TTLL11: variants seen among roughly 807,000 people sequenced by gnomAD.
TTLL11 encodes tubulin polyglutamylase TTLL11.
TTLL11 carries 42 observed loss-of-function variants against 51.7 expected under a neutral mutation model. The ratio of observed to expected loss-of-function variants is 0.81; its 90% CI spans 0.64 to 1.05. The LOEUF (loss-of-function observed/expected upper bound fraction) is 1.05, where lower values mean the gene tolerates loss of function less well. TTLL11 is among the 50% of genes least tolerant of loss of function. TTLL11 has a pLI of 0.00. For synonymous variants in TTLL11, 381 were observed against 383.5 expected (o/e 0.99, Z 0.08); for missense variants, 799 against 940.4 (o/e 0.85, Z 1.97).
intron 1 of TTLL11, among the ~76,000 whole-genome samples, chr9:122,075,450 T>C (rs574432338): frequency 9.2e-5 from 14 of 152,238 alleles, no homozygotes; most frequent in African/African-American, 3.1e-4. Context: ...AAGTGTTGCA[T>C]ACATTCTTAG....
At chr9:121,904,507 A>G (rs1476001464) in intron 6 of TTLL11, among the ~76,000 whole-genome samples, 1 of 152,210 alleles carries the variant, frequency 6.6e-6, no homozygotes, top group Admixed American at 6.5e-5. Context: ...TGTGTGGCCC[A>G]TCTGGAGCCA....
At chr9:121,946,298 G>C (rs1460010867) in intron 6 of TTLL11, among the ~76,000 whole-genome samples, 2 of 152,208 alleles carry the variant, frequency 1.3e-5, no homozygotes, top group Non-Finnish European at 2.9e-5. Flanking sequence ...TGGGGAATGA[G>C]ATAGGGAGAG....
intron 6 of TTLL11, among the ~76,000 whole-genome samples, chr9:121,928,083 T>C (rs1840811658): frequency 6.6e-6 from 1 of 151,944 alleles, no homozygotes. Flanking sequence ...AGTATCTCAG[T>C]AGATGATGGA....
chr9:122,073,275 T>TG (rs1191371765), intron 1 of TTLL11, among the ~76,000 whole-genome samples: 1 of 152,068 alleles, frequency 6.6e-6, no homozygotes, highest in Non-Finnish European at 1.5e-5. Context: ...CCAGGCATGG[T>TG]GGCATGCACC....
rs866286674 is a variant in TTLL11, at chr9:121,974,892, C to T, written c.1357G>A (p.Glu453Lys). The T allele has an allele frequency of 6.5e-7, 1 of 1,546,354 alleles. No individual in the cohort carries two copies. The highest frequency in any genetic ancestry group is 8.7e-7 in the Non-Finnish European group (1 of 1,145,104). The change falls in exon 5 of 9, where the codon GAG becomes AAG. Residue 453 changes from glutamate to lysine, a missense_variant. By Grantham distance (56) the Glu-to-Lys change is moderately conservative (BLOSUM62 1). Around this residue, in one of 3 missense-constraint regions of TTLL11, gnomAD observed 468 missense variants for 612.8 expected, o/e 0.76. Coordinates refer to ENST00000321582, the MANE Select transcript of TTLL11 (RefSeq NM_001139442.2). ...ATGCTCAAAATACTTACTTCGTGCT[C>T]ATGTTCGATTCTCATACTGGGATTT... ...NANPSMRIEH[E>K]HELSPGVFEN...
intron 6 of TTLL11, among the ~76,000 whole-genome samples, chr9:121,951,968 G>A (rs1841865182): frequency 6.6e-6 from 1 of 152,204 alleles, no homozygotes; most frequent in South Asian, 2.1e-4. Context: ...GTGTAGCAGT[G>A]AGGACGACCA....
intron 1 of TTLL11, among the ~76,000 whole-genome samples, chr9:122,055,752 C>G (rs190007761): frequency 3.9e-5 from 6 of 152,330 alleles, no homozygotes; most frequent in South Asian, 2.1e-4. Context: ...CTCCACACCA[C>G]CTTGTAAATA....
intron 6 of TTLL11, among the ~76,000 whole-genome samples, chr9:121,880,892 C>G (rs1370523547): frequency 6.6e-6 from 1 of 152,212 alleles, no homozygotes; most frequent in Non-Finnish European, 1.5e-5. Context: ...GGGATTGGAA[C>G]CTGGGTGGTC....
At chr9:121,910,305 T>C (rs754216460) in intron 6 of TTLL11, among the ~76,000 whole-genome samples, 32 of 152,228 alleles carry the variant, frequency 2.1e-4, no homozygotes, top group Non-Finnish European at 4.3e-4. Context: ...CTTTCTCTCA[T>C]GAGGTACTTC....
At chr9:121,856,424 G>T (rs917053106) in intron 8 of TTLL11, among the ~76,000 whole-genome samples, 5 of 152,176 alleles carry the variant, frequency 3.3e-5, no homozygotes, top group Non-Finnish European at 1.5e-5. Context: ...TGAGGCTCAG[G>T]TTTTCCATCT....
chr9:121,934,859 A>C (rs1300683584), intron 6 of TTLL11, among the ~76,000 whole-genome samples: 2 of 152,228 alleles, frequency 1.3e-5, no homozygotes, highest in African/African-American at 4.8e-5. Context: ...AGACCTTCTT[A>C]AGTGAATCTG....
Position 121,853,630 on chromosome 9 carries a change from G to A in TTLL11, c.1840+6707C>T, listed in dbSNP as rs927895295. On this transcript the variant is annotated intron_variant, in intron 8 of 8. Transcript: ENST00000321582. This position sits in a 1 kb window ranked among gnomAD's most constrained non-coding sequence, Gnocchi z 5.6. ...AGACCAGTGACTGCAGGCAGCTGGG[G>A]GCCGGCACAGGCCTGTAAGTGATGG... Among the ~76,000 whole-genome samples the A allele has an allele frequency of 4.6e-5, 7 of 152,168 alleles. No individual in the cohort carries two copies. The highest frequency in any genetic ancestry group is 1.0e-4 in the Non-Finnish European group (7 of 68,018).
At chr9:122,033,263 C>A (rs903256715) in intron 2 of TTLL11, among the ~76,000 whole-genome samples, 1 of 152,176 alleles carries the variant, frequency 6.6e-6, no homozygotes. Flanking sequence ...CAGGTGTGCA[C>A]CACCATGCCC....
rs1842664096 is a variant in TTLL11 at position 121,974,941 on chromosome 9, C to T, written c.1308G>A (p.Lys436=). The T allele has an allele frequency of 1.3e-6, 2 of 1,537,166 alleles. No individual in the cohort carries two copies. The highest frequency in any genetic ancestry group is 8.7e-7 in the Non-Finnish European group (1 of 1,143,900). The change falls in exon 5 of 9, where the codon AAG becomes AAA. Residue 436 remains lysine, a synonymous_variant. Transcript: ENST00000321582. The part of the protein sequence containing the change: ...GFDILLMKNL[K]PILLEVNANP... ...TTGCATTTACTTCAAGTAGTATAGG[C>T]TTCAGATTTTTCATTAGAAGAATGT... is the stretch of plus-strand genomic sequence containing the variant.
intron 6 of TTLL11, among the ~76,000 whole-genome samples, chr9:121,969,157 A>C (rs1282109900): frequency 6.6e-6 from 1 of 152,196 alleles, no homozygotes; most frequent in Non-Finnish European, 1.5e-5. Flanking sequence ...GGTGTGAGCC[A>C]CCGTGCCCGG....
intron 3 of TTLL11, among the ~76,000 whole-genome samples, chr9:122,027,033 G>A (rs1588216707): frequency 6.6e-6 from 1 of 152,134 alleles, no homozygotes; most frequent in African/African-American, 2.4e-5. Context: ...AGTTCCACAG[G>A]CTGTACAGGA....
rs1836601524 is a variant in TTLL11 at position 121,822,285 on chromosome 9, C to T, written c.*302G>A. 4.8e-6 allele frequency: 1 copy of T among 209,436 alleles called. No individual in the cohort carries two copies. Among genetic ancestry groups the T allele is most frequent in the Non-Finnish European group, 9.4e-6 (1 of 105,968 alleles). 13.0% of individuals were successfully genotyped at this position (209,436 alleles called of 1,614,324 possible). ...GTGCCCCAAATACAACAGATTTGCC[C>T]CAGTTGGTGCTTCCTGTGAGCCCAG... On this transcript the variant is annotated 3_prime_UTR_variant, in exon 9 of 9. Transcript: ENST00000321582. The surrounding 1 kb of genome is among the most constrained non-coding windows in gnomAD (Gnocchi z 5.8).
intron 6 of TTLL11, among the ~76,000 whole-genome samples, chr9:121,914,067 G>C (rs1441320306): frequency 6.6e-6 from 1 of 152,210 alleles, no homozygotes; most frequent in Non-Finnish European, 1.5e-5. Context: ...CTTATCAGGT[G>C]ACACAGCTCG....
chr9:122,018,358 C>T (rs754396701), intron 3 of TTLL11, among the ~76,000 whole-genome samples: 4 of 151,838 alleles, frequency 2.6e-5, no homozygotes, highest in Admixed American at 6.6e-5. Flanking sequence ...ATGATCTGCC[C>T]GCCTCGGCCT....
Sources: allele counts gnomAD v4.1 joint callset (sites outside exome capture counted in the v4.1 genomes callset), GRCh38; gene constraint gnomAD v4.1.1; regional missense constraint gnomAD v4.1.1; non-coding constraint Gnocchi (gnomAD v3.1); transcripts MANE v1.5; gene names NCBI Gene and HGNC (gene_info 2026-07-23, HGNC 2026-07-21).